VGLL3: variants seen among roughly 807,000 people sequenced by gnomAD.
The protein encoded by VGLL3 is transcription cofactor vestigial-like protein 3.
In VGLL3, 18 loss-of-function variants were observed where a neutral mutation model predicts 29.2. The observed-to-expected ratio is 0.62, with a 90% CI of 0.43 to 0.91. The LOEUF is 0.91. VGLL3 is among the 40% of genes least tolerant of loss of function. The pLI is 0.00. For synonymous variants in VGLL3, 180 were observed against 151.8 expected, an observed-to-expected ratio of 1.19 and a Z score of -1.36; for missense variants, 440 against 413.2, an observed-to-expected ratio of 1.06 and a Z score of -0.56.
chr3:86,968,726 C>T lies in VGLL3; in HGVS notation c.801G>A (p.Val267=). 1.9e-6 allele frequency: 3 copies of T among 1,614,138 alleles called. No individual in the cohort carries two copies. The East Asian group carries it at 6.7e-5, about 36-fold the overall frequency. ...PSYGPLLMPS[V]HAARIPAPQC... The stretch of plus-strand genomic sequence containing the variant: ...GGGGAGCAGGAATCCTGGCCGCATG[C>T]ACTGAAGGCATCAGCAGAGGCCCAT... Residue 267 remains valine (V), a synonymous_variant, in exon 3 of 4, where the codon GTG becomes GTA. Coordinates refer to ENST00000398399, the MANE Select transcript of VGLL3 (RefSeq NM_016206.4).
At chr3:86,969,525 A>C (rs970896334) in intron 2 of VGLL3, among the ~76,000 whole-genome samples, 1 of 152,220 alleles carries the variant, frequency 6.6e-6, no homozygotes, top group East Asian at 1.9e-4. Flanking sequence ...TATAAGTTGG[A>C]CATGATCATT....
chr3:86,978,488 G>C, intron 2 of VGLL3, 38 bp downstream of exon 2: 3 of 1,600,350 alleles, frequency 1.9e-6, no homozygotes, highest in Non-Finnish European at 1.7e-6. Context: ...GCGAAACAAA[G>C]ACAGTGCCCT....
intron 3 of VGLL3, among the ~76,000 whole-genome samples, chr3:86,964,657 C>T (rs1385038986): frequency 3.3e-5 from 5 of 152,194 alleles, no homozygotes; most frequent in Non-Finnish European, 5.9e-5. Flanking sequence ...TTACTTTGCC[C>T]GTTTCACCAC....
rs141380836 is a variant in VGLL3, at chr3:86,947,182, G to A, written c.938-115C>T. 8.1e-4 allele frequency: 570 copies of A among 703,018 alleles called. 5 individuals carry two copies. In the East Asian group the frequency reaches 0.014, roughly 17 times the overall value. The allele number at this position is 703,018 out of a possible 1,614,324, so 43.5% of individuals were successfully genotyped here. ...AACCAAAATGATAATCCAGGCAACT[G>A]TGAGTTCTGACCTGAAGACATCATG... On this transcript the variant is annotated intron_variant, in intron 3 of 3. Transcript: ENST00000398399.
Position 86,939,011 on chromosome 3 carries a change from A to T in VGLL3, c.*8013T>A, listed in dbSNP as rs1039564921. The T allele has an allele frequency of 2.0e-5, 3 of 152,222 alleles. No individual in the cohort carries two copies. Among genetic ancestry groups the T allele is most frequent in the African/African-American group, 7.2e-5 (3 of 41,464 alleles). 9.4% of individuals were successfully genotyped at this position (152,222 alleles called of 1,614,324 possible). Reference sequence around the variant, plus strand: ...CTAGATGACCTGTTCTCCACCCCCTAGACTGCTCATCTTACATAAGTAACA... The same window carrying T: ...CTAGATGACCTGTTCTCCACCCCCTTGACTGCTCATCTTACATAAGTAACA... On this transcript the variant is annotated 3_prime_UTR_variant, in exon 4 of 4. Transcript: ENST00000398399.
At chr3:86,964,631 A>T (rs1704921607) in intron 3 of VGLL3, among the ~76,000 whole-genome samples, 2 of 152,238 alleles carry the variant, frequency 1.3e-5, no homozygotes, top group South Asian at 4.1e-4. Context: ...TGCCCTTATA[A>T]AAGAGATCCT....
chr3:86,984,046 C>A (rs1705385610), intron 1 of VGLL3, among the ~76,000 whole-genome samples: 1 of 152,146 alleles, frequency 6.6e-6, no homozygotes, highest in Non-Finnish European at 1.5e-5. Flanking sequence ...CAGAAAACAT[C>A]AGTCAGCATG....
intron 1 of VGLL3, among the ~76,000 whole-genome samples, chr3:86,980,572 T>G (rs1247521103): frequency 2.0e-5 from 3 of 152,114 alleles, no homozygotes; most frequent in Non-Finnish European, 4.4e-5. Flanking sequence ...CTGCACAGAT[T>G]TGAACATGTT....
intron 2 of VGLL3, among the ~76,000 whole-genome samples, chr3:86,974,538 T>C (rs534560629): frequency 6.6e-6 from 1 of 152,334 alleles, no homozygotes; most frequent in East Asian, 1.9e-4. Context: ...TTCCTATCAT[T>C]GTTTGCCTTA....
In VGLL3 at chr3:86,946,028, T is replaced by C. The variant is rs1363553456; in HGVS notation, c.*996A>G. On this transcript the variant is annotated 3_prime_UTR_variant, in exon 4 of 4. Transcript: ENST00000398399. ...ATATGACTTTTTAAATTGCCATGAA[T>C]GAATAATTAAAAACAAGTAAAATAA... is the stretch of plus-strand genomic sequence containing the variant. 6.6e-6 allele frequency: 1 copy of C among 152,138 alleles called. No individual in the cohort carries two copies. Among genetic ancestry groups the C allele is most frequent in the Non-Finnish European group, 1.5e-5 (1 of 68,016 alleles). 9.4% of individuals were successfully genotyped at this position (152,138 alleles called of 1,614,324 possible). A position where few individuals can be genotyped will look rare whatever the true frequency, so the allele number is the denominator to read the frequency against.
chr3:86,963,707 C>T (rs1704904221), intron 3 of VGLL3, among the ~76,000 whole-genome samples: 1 of 152,176 alleles, frequency 6.6e-6, no homozygotes, highest in African/African-American at 2.4e-5. Flanking sequence ...TGCTTTACTG[C>T]ATGAACTAAT....
In VGLL3 at chr3:86,941,102, G is replaced by C. The variant is rs1200382490; in HGVS notation, c.*5922C>G. The C allele has an allele frequency of 2.6e-5, 4 of 151,792 alleles. No individual in the cohort carries two copies. The highest frequency in any genetic ancestry group is 2.4e-5 in the African/African-American group (1 of 41,260). The allele number at this position is 151,792 out of a possible 1,614,324, so 9.4% of individuals were successfully genotyped here. On this transcript the variant is annotated 3_prime_UTR_variant, in exon 4 of 4. Coordinates refer to ENST00000398399, the MANE Select transcript of VGLL3 (RefSeq NM_016206.4). The stretch of plus-strand genomic sequence containing the variant: ...TAGATTTATATAATAAAAACAAATT[G>C]TATCCATCTTCCCTTTAAATATATG...
intron 3 of VGLL3, among the ~76,000 whole-genome samples, chr3:86,952,217 T>C (rs1313103784): frequency 6.6e-6 from 1 of 152,100 alleles, no homozygotes; most frequent in Non-Finnish European, 1.5e-5. Context: ...TGCCAGTGGA[T>C]TGAACTAAGA....
At chr3:86,977,557 A>T (rs753470317) in intron 2 of VGLL3, among the ~76,000 whole-genome samples, 1 of 152,216 alleles carries the variant, frequency 6.6e-6, no homozygotes, top group Non-Finnish European at 1.5e-5. Context: ...TGTCCTTAAC[A>T]GGACTAGATC....
At chr3:86,949,592 C>T (rs771965039) in intron 3 of VGLL3, among the ~76,000 whole-genome samples, 6 of 151,650 alleles carry the variant, frequency 4.0e-5, no homozygotes, top group Admixed American at 3.3e-4. Context: ...TTTGGGAAGC[C>T]GAGGCGGGCG....
At chr3:86,966,000 T>A (rs4859107) in intron 3 of VGLL3, among the ~76,000 whole-genome samples, 112,871 of 152,042 alleles carry the variant, frequency 0.74, 42,013 homozygotes, top group East Asian at 0.81. Flanking sequence ...CTCCCAAAGA[T>A]AGAGAGATGT....
chr3:86,962,045 C>T, intron 3 of VGLL3: 1 of 984,996 alleles, frequency 1.0e-6, no homozygotes, highest in South Asian at 4.7e-5. Flanking sequence ...CAATTAAGCC[C>T]TTATTATCAC....
intron 3 of VGLL3, among the ~76,000 whole-genome samples, chr3:86,961,184 A>G (rs1487218918): frequency 6.6e-6 from 1 of 151,984 alleles, no homozygotes; most frequent in Non-Finnish European, 1.5e-5. Context: ...GATGAATACA[A>G]TCTCATGCCA....
intron 3 of VGLL3, among the ~76,000 whole-genome samples, chr3:86,964,947 C>G (rs1180301321): frequency 2.0e-5 from 3 of 152,070 alleles, no homozygotes; most frequent in Non-Finnish European, 4.4e-5. Context: ...ATGATGAGGT[C>G]AGGAGTTCGA....
Sources: allele counts gnomAD v4.1 joint callset (sites outside exome capture counted in the v4.1 genomes callset), GRCh38; gene constraint gnomAD v4.1.1; transcripts MANE v1.5; gene names NCBI Gene and HGNC (gene_info 2026-07-23, HGNC 2026-07-21).